Variants in DNAH11 observed in about 807,000 individuals in gnomAD.
The protein encoded by DNAH11 is axonemal beta dynein heavy chain 11.
DNAH11 carries 442 observed loss-of-function variants against 526.0 expected under a neutral mutation model. The ratio of observed to expected loss-of-function variants is 0.84; its 90% CI spans 0.78 to 0.91. The LOEUF (loss-of-function observed/expected upper bound fraction) is 0.91, where lower values mean the gene tolerates loss of function less well. DNAH11 is among the 40% of genes least tolerant of loss of function. DNAH11 has a pLI of 0.00. For missense variants in DNAH11, 6,989 were observed against 5,448.7 expected, an observed-to-expected ratio of 1.28 and a Z score of -8.90; for synonymous variants, 2,461 against 1,935.9, an observed-to-expected ratio of 1.27 and a Z score of -7.12.
chr7:21,728,237 CTTTTTTTTTTTTT>C lies in DNAH11; in HGVS notation c.7440+2279_7440+2291del, dbSNP rs71026816. On this transcript the variant is annotated intron_variant, in intron 45 of 81. Transcript: ENST00000409508. Reference sequence around the variant, plus strand: ...TCACCCATTCCAACAGCCCACAATTCTTTTTTTTTTTTTTTTTTTTTTTTTTTTTTTTTTTTTT... The same window carrying C: ...TCACCCATTCCAACAGCCCACAATTCTTTTTTTTTTTTTTTTTTTTTTTTT... 3.6e-4 allele frequency among the ~76,000 whole-genome samples: 21 copies of C among 58,938 alleles called. No individual in the cohort carries two copies. In the South Asian group the frequency reaches 0.01, roughly 29 times the overall value. 38.7% of individuals were successfully genotyped at this position (58,938 alleles called of 152,430 possible).
intron 20 of DNAH11, among the ~76,000 whole-genome samples, chr7:21,612,967 G>T (rs998080640): frequency 6.6e-6 from 1 of 152,160 alleles, no homozygotes; most frequent in Non-Finnish European, 1.5e-5. Flanking sequence ...ATTCATGATA[G>T]AAACACTTAG....
rs1245739907 is a variant in DNAH11 at position 21,617,704 on chromosome 7, T to A, written c.4181T>A (p.Leu1394Gln). The change falls in exon 23 of 82, where the codon CTG (leucine) becomes CAG (glutamine). Residue 1394 changes from leucine (L) to glutamine (Q), a missense_variant. Coordinates refer to ENST00000409508, the MANE Select transcript of DNAH11 (RefSeq NM_001277115.2). Reference sequence around the variant, plus strand: ...ACAGTTAAGGACATGACAGCCTCCCTGAGGGCCATCACAGAGTTACAGAGC... The same window carrying A: ...ACAGTTAAGGACATGACAGCCTCCCAGAGGGCCATCACAGAGTTACAGAGC... ...EGTVKDMTAS[L>Q]RAITELQSPA... The A allele has an allele frequency of 3.1e-6, 5 of 1,613,796 alleles. No individual in the cohort carries two copies. The highest frequency in any genetic ancestry group is 4.2e-6 in the Non-Finnish European group (5 of 1,179,800).
intron 81 of DNAH11, 90 bp downstream of exon 81, chr7:21,900,210 C>T: frequency 7.4e-7 from 1 of 1,350,064 alleles, no homozygotes; most frequent in Non-Finnish European, 9.9e-7. Context: ...TCAGCATCTC[C>T]TCACTCACAC....
chr7:21,858,707 G>A (rs958708905), intron 68 of DNAH11, among the ~76,000 whole-genome samples: 2 of 152,168 alleles, frequency 1.3e-5, no homozygotes, highest in South Asian at 2.1e-4. Flanking sequence ...AATTGACTGG[G>A]GCTGGCGATG....
chr7:21,746,004 G>A (rs1786134395), intron 51 of DNAH11, among the ~76,000 whole-genome samples: 1 of 152,190 alleles, frequency 6.6e-6, no homozygotes, highest in South Asian at 2.1e-4. Context: ...AACAAAAATG[G>A]AGAGGCAGGA....
intron 23 of DNAH11, 132 bp downstream of exon 23, chr7:21,617,909 GC>G (rs778993445): frequency 3.0e-5 from 31 of 1,030,708 alleles, no homozygotes; most frequent in African/African-American, 4.9e-5. Flanking sequence ...GCTGTGTTAT[GC>G]CTTTTTGCTG....
At chr7:21,598,005 C>T (rs763339188) in intron 14 of DNAH11, among the ~76,000 whole-genome samples, 4 of 152,090 alleles carry the variant, frequency 2.6e-5, no homozygotes, top group Non-Finnish European at 5.9e-5. Flanking sequence ...AGGAGCAGTT[C>T]TTAAATTTTT....
At chr7:21,652,427 T>A (rs1389816771) in intron 28 of DNAH11, among the ~76,000 whole-genome samples, 3 of 152,208 alleles carry the variant, frequency 2.0e-5, no homozygotes, top group Non-Finnish European at 4.4e-5. Context: ...AAGATGCTCG[T>A]TCTGTACCTT....
At chr7:21,801,405 C>A in intron 62 of DNAH11, 130 bp downstream of exon 62, 2 of 1,248,470 alleles carry the variant, frequency 1.6e-6, no homozygotes, top group Non-Finnish European at 2.2e-6. Context: ...GATAATCACT[C>A]ATCCTGTGGC....
In DNAH11 at chr7:21,900,088, A is replaced by T. The variant is rs778660523; in HGVS notation, c.13271A>T (p.Glu4424Val). The change falls in exon 81 of 82, where the codon GAA (glutamate) becomes GTA (valine). Residue 4424 changes from glutamate (E) to valine (V), a missense_variant. Transcript: ENST00000409508. ...GAAGATTATGGACACCCGCCAAGGG[A>T]AGGTGCATACCTCCACGGACTCTTC... ...TKEDYGHPPR[E>V]GAYLHGLFME... 6.2e-7 allele frequency: 1 copy of T among 1,613,968 alleles called. No homozygotes were observed. Among genetic ancestry groups the T allele is most frequent in the South Asian group, 1.1e-5 (1 of 91,070 alleles).
chr7:21,800,925 A>G (rs1788958384), intron 61 of DNAH11, among the ~76,000 whole-genome samples: 1 of 152,204 alleles, frequency 6.6e-6, no homozygotes, highest in African/African-American at 2.4e-5. Context: ...AGAAGACCAC[A>G]TCGTGAACTG....
intron 29 of DNAH11, among the ~76,000 whole-genome samples, chr7:21,657,006 G>T (rs1782041306): frequency 6.6e-6 from 1 of 152,210 alleles, no homozygotes; most frequent in African/African-American, 2.4e-5. Context: ...CCCGGAGGGG[G>T]ATAGTCCAAT....
chr7:21,826,819 G>A (rs1464859008), intron 65 of DNAH11, among the ~76,000 whole-genome samples: 1 of 152,156 alleles, frequency 6.6e-6, no homozygotes, highest in East Asian at 1.9e-4. Flanking sequence ...CCCTCAGAAA[G>A]TTTTTGGCTA....
intron 62 of DNAH11, among the ~76,000 whole-genome samples, chr7:21,805,189 CAT>C (rs1421890832): frequency 1.3e-5 from 2 of 152,218 alleles, no homozygotes; most frequent in African/African-American, 4.8e-5. Context: ...TACATGCACA[CAT>C]ATGCATCTCT....
chr7:21,704,659 T>G (rs757060413), intron 38 of DNAH11, 31 bp downstream of exon 38: 1 of 1,577,304 alleles, frequency 6.3e-7, no homozygotes, highest in Non-Finnish European at 8.6e-7. Context: ...TCATGGCAGC[T>G]GTTGGGATTG....
chr7:21,882,469 A>G (rs1404250010), intron 75 of DNAH11, among the ~76,000 whole-genome samples: 1 of 152,230 alleles, frequency 6.6e-6, no homozygotes, highest in East Asian at 1.9e-4. Flanking sequence ...AACAAAGACC[A>G]GGATTGAGGG....
intron 55 of DNAH11, among the ~76,000 whole-genome samples, chr7:21,770,507 G>A (rs907001817): frequency 2.6e-5 from 4 of 152,106 alleles, no homozygotes; most frequent in Non-Finnish European, 5.9e-5. Context: ...ACCAGTTCCT[G>A]CTGTGAATTT....
At chr7:21,707,970 A>G in intron 40 of DNAH11, 135 bp downstream of exon 40, 2 of 852,420 alleles carry the variant, frequency 2.3e-6, no homozygotes, top group Non-Finnish European at 3.4e-6. Context: ...AGCAGATCAC[A>G]ACAGCATTTA....
intron 70 of DNAH11, 29 bp from the exon 71 acceptor site, chr7:21,866,441 T>C: frequency 6.3e-7 from 1 of 1,589,746 alleles, no homozygotes; most frequent in African/African-American, 1.4e-5. Context: ...GTTCACACCA[T>C]TCCTACTTGT....
Sources: gnomAD v4.1 joint callset for allele counts (sites outside exome capture counted in the v4.1 genomes callset) on GRCh38, gnomAD v4.1.1 for gene constraint, MANE v1.5 for transcripts, NCBI Gene and HGNC (gene_info 2026-07-23, HGNC 2026-07-21) for gene names.